The following TLL2 variants were observed in gnomAD, a reference collection of about 807,000 sequenced individuals.
TLL2 encodes the protein tolloid like 2.
TLL2 carries 106 observed loss-of-function variants against 123.0 expected under a neutral mutation model. The observed-to-expected ratio is 0.86, with a 90% CI of 0.74 to 1.01. The LOEUF is 1.01. Among genes scored for constraint, TLL2 ranks in the 50% least tolerant of loss-of-function variants. TLL2 has a pLI of 0.00. For missense variants in TLL2, 1,332 were observed against 1,336.7 expected (o/e 1.00, Z 0.06); for synonymous variants, 494 against 516.8 (o/e 0.96, Z 0.60).
intron 1 of TLL2, among the ~76,000 whole-genome samples, chr10:96,510,339 A>C (rs1173243675): frequency 2.0e-5 from 3 of 152,158 alleles, no homozygotes; most frequent in Admixed American, 6.5e-5. Flanking sequence ...CACCCCCCAG[A>C]AGCCCCATGC....
chr10:96,411,859 G>A (rs944404001), intron 8 of TLL2, among the ~76,000 whole-genome samples: 3 of 152,188 alleles, frequency 2.0e-5, no homozygotes, highest in Non-Finnish European at 4.4e-5. Context: ...AATCCTGGAT[G>A]TCGGGGCTTC....
At chr10:96,442,217 C>T (rs1174446468) in intron 3 of TLL2, among the ~76,000 whole-genome samples, 2 of 152,158 alleles carry the variant, frequency 1.3e-5, no homozygotes, top group African/African-American at 4.8e-5. Context: ...AAATCCCCAC[C>T]GTCAGGGCTG....
In TLL2 at chr10:96,497,985, A is replaced by G. The variant is rs149557681; in HGVS notation, c.175+15526T>C. On this transcript the variant is annotated intron_variant, in intron 1 of 20. Coordinates refer to ENST00000357947, the MANE Select transcript of TLL2 (RefSeq NM_012465.4). ...TGCTGCGTTCCCACAGCATGAGCTC[A>G]CACGGGCTCCATTAGGTAATGGAGA... Among the ~76,000 whole-genome samples the G allele has an allele frequency of 2.5e-4, 38 of 152,366 alleles. No homozygotes were observed. The East Asian group carries it at 6.4e-3, about 25-fold the overall frequency.
intron 1 of TLL2, among the ~76,000 whole-genome samples, chr10:96,488,826 C>T (rs1282573343): frequency 6.6e-6 from 1 of 152,150 alleles, no homozygotes; most frequent in East Asian, 1.9e-4. Flanking sequence ...ACCAGCAGGG[C>T]CCACATGTAT....
At chr10:96,425,828 TTTTC>T (rs540247060) in intron 5 of TLL2, among the ~76,000 whole-genome samples, 24 of 152,130 alleles carry the variant, frequency 1.6e-4, no homozygotes, top group African/African-American at 5.8e-4. Flanking sequence ...TATTCACAGT[TTTTC>T]TTTCTTTCTC....
intron 2 of TLL2, among the ~76,000 whole-genome samples, chr10:96,463,456 C>A (rs542487286): frequency 6.6e-6 from 1 of 152,344 alleles, no homozygotes; most frequent in East Asian, 1.9e-4. Context: ...CATGATGGAC[C>A]AGACTTCGGG....
At chr10:96,499,109 G>A (rs1254779293) in intron 1 of TLL2, among the ~76,000 whole-genome samples, 1 of 152,188 alleles carries the variant, frequency 6.6e-6, no homozygotes, top group African/African-American at 2.4e-5. Flanking sequence ...ACATTGGAAG[G>A]ATACCGCAAA....
intron 2 of TLL2, among the ~76,000 whole-genome samples, chr10:96,473,188 C>G (rs530724289): frequency 6.6e-6 from 1 of 152,178 alleles, no homozygotes; most frequent in East Asian, 1.9e-4. Context: ...GGCGTGTTGG[C>G]TAATCCCTGT....
At position 96,416,777 on chromosome 10, in the gene TLL2, C is replaced by T. The variant is rs114802893; in HGVS notation, c.924-3461G>A. Among the ~76,000 whole-genome samples, 317 of 152,362 alleles carry T rather than the reference C, an allele frequency of 2.1e-3. 1 individual carries two copies. Among genetic ancestry groups the T allele is most frequent in the African/African-American group, 7.0e-3 (291 of 41,586 alleles). ...AGCTGTTTACTACAAGAGCCGTCCC[C>T]TGTGTAAACCACAGCGGTGACGTTC... On this transcript the variant is annotated intron_variant, in intron 7 of 20. Coordinates refer to ENST00000357947, the MANE Select transcript of TLL2 (RefSeq NM_012465.4).
chr10:96,379,752 G>A (rs1385731864), intron 16 of TLL2, among the ~76,000 whole-genome samples: 1 of 152,238 alleles, frequency 6.6e-6, no homozygotes, highest in African/African-American at 2.4e-5. Flanking sequence ...AACCTGGGAG[G>A]CAGAGGTTGC....
intron 7 of TLL2, among the ~76,000 whole-genome samples, chr10:96,417,387 C>T (rs1352399318): frequency 6.6e-6 from 1 of 152,178 alleles, no homozygotes; most frequent in African/African-American, 2.4e-5. Context: ...TTGCTGAAAC[C>T]ATTCTGAACT....
intron 2 of TLL2, among the ~76,000 whole-genome samples, chr10:96,460,819 A>G (rs1191411267): frequency 1.3e-5 from 2 of 152,188 alleles, no homozygotes; most frequent in African/African-American, 4.8e-5. Context: ...CAATGCCCTT[A>G]TAAAAGAGAC....
intron 2 of TLL2, among the ~76,000 whole-genome samples, chr10:96,472,815 G>C (rs962615477): frequency 2.0e-5 from 3 of 152,074 alleles, no homozygotes; most frequent in African/African-American, 7.2e-5. Flanking sequence ...GAAACATGTT[G>C]GATCTCTTTT....
intron 2 of TLL2, among the ~76,000 whole-genome samples, chr10:96,465,528 A>G (rs1053473092): frequency 2.0e-5 from 3 of 152,208 alleles, no homozygotes; most frequent in African/African-American, 7.2e-5. Flanking sequence ...TGAACCCTCA[A>G]GAAAAGGAAG....
intron 2 of TLL2, among the ~76,000 whole-genome samples, chr10:96,459,695 AAAAAAAAAAAATATATATAT>A (rs1847056472): frequency 3.4e-5 from 2 of 59,466 alleles, no homozygotes; most frequent in African/African-American, 1.3e-4. Flanking sequence ...AAAAAAAAAA[AAAAAAAAAAAATATATATAT>A]ATATATATAT....
intron 2 of TLL2, among the ~76,000 whole-genome samples, chr10:96,450,400 G>A (rs779357535): frequency 1.1e-4 from 16 of 152,118 alleles, no homozygotes; most frequent in Non-Finnish European, 7.4e-5. Flanking sequence ...TCCCACCCCC[G>A]CCGGAGGTTC....
chr10:96,408,467 G>A (rs1055143407), intron 9 of TLL2, among the ~76,000 whole-genome samples: 1 of 152,142 alleles, frequency 6.6e-6, no homozygotes, highest in African/African-American at 2.4e-5. Flanking sequence ...AATAATTAAG[G>A]CTTGATGAAG....
chr10:96,413,142 G>C (rs1452275837), intron 8 of TLL2, 50 bp downstream of exon 8: 3 of 1,607,210 alleles, frequency 1.9e-6, no homozygotes, highest in Non-Finnish European at 2.6e-6. Flanking sequence ...TAGGGACTGT[G>C]CTTTGGAGAT....
At chr10:96,399,826 G>C (rs1348874696) in intron 10 of TLL2, among the ~76,000 whole-genome samples, 1 of 152,184 alleles carries the variant, frequency 6.6e-6, no homozygotes, top group Non-Finnish European at 1.5e-5. Context: ...CCAAAAGAGA[G>C]GGAGACTTTC....
Sources: allele counts gnomAD v4.1 joint callset (sites outside exome capture counted in the v4.1 genomes callset), GRCh38; gene constraint gnomAD v4.1.1; transcripts MANE v1.5; gene names NCBI Gene and HGNC (gene_info 2026-07-23, HGNC 2026-07-21).